Variants in PPIL3 observed in about 807,000 individuals in gnomAD.
PPIL3 encodes peptidyl-prolyl cis-trans isomerase-like 3.
A neutral mutation model predicts 20.9 loss-of-function variants in PPIL3; 13 were observed. The ratio of observed to expected loss-of-function variants is 0.62; its 90% CI spans 0.40 to 0.99. PPIL3 has a LOEUF of 0.99. Ranked by LOEUF, PPIL3 falls within the 50% of genes least tolerant of loss-of-function variation. The pLI is 0.00. For synonymous variants in PPIL3, 71 were observed against 64.4 expected, an observed-to-expected ratio of 1.10 and a Z score of -0.49; for missense variants, 170 against 195.2, an observed-to-expected ratio of 0.87 and a Z score of 0.77.
chr2:200,883,302 C>T (rs1306256352), intron 3 of PPIL3, among the ~76,000 whole-genome samples: 1 of 151,720 alleles, frequency 6.6e-6, no homozygotes, highest in East Asian at 1.9e-4. Flanking sequence ...AATCTGAATA[C>T]CTGGAATATT....
intron 2 of PPIL3, among the ~76,000 whole-genome samples, chr2:200,887,379 C>CAAA (rs770510276): frequency 5.3e-4 from 27 of 50,736 alleles, no homozygotes; most frequent in Middle Eastern, 9.6e-3. Flanking sequence ...GAGTGAAACT[C>CAAA]AAAAAAAAAA....
intron 5 of PPIL3, chr2:200,877,672 G>C (rs2039572165): frequency 6.6e-6 from 1 of 152,142 alleles, no homozygotes; most frequent in Admixed American, 6.6e-5. Flanking sequence ...CAAGGGTCAA[G>C]CAGATAAACT....
At chr2:200,879,130 T>C (rs1559338702) in intron 5 of PPIL3, among the ~76,000 whole-genome samples, 1 of 152,144 alleles carries the variant, frequency 6.6e-6, no homozygotes, top group Non-Finnish European at 1.5e-5. Flanking sequence ...TGGTTCTTTT[T>C]TTTTTTTAGA....
intron 5 of PPIL3, among the ~76,000 whole-genome samples, chr2:200,879,589 C>G (rs1396523733): frequency 1.3e-5 from 2 of 152,136 alleles, no homozygotes; most frequent in Non-Finnish European, 2.9e-5. Context: ...AATCCCAACA[C>G]TTTGGGAGGC....
chr2:200,881,849 G>A, intron 4 of PPIL3: 1 of 235,308 alleles, frequency 4.2e-6, no homozygotes, highest in African/African-American at 2.4e-5. Context: ...AGGGGTAGGT[G>A]CTAATAATTT....
chr2:200,888,116 G>A (rs115170097), intron 1 of PPIL3, among the ~76,000 whole-genome samples: 1 of 148,582 alleles, frequency 6.7e-6, no homozygotes, highest in Non-Finnish European at 1.5e-5. Flanking sequence ...CCCGGCTATA[G>A]AAGATATCCT....
At chr2:200,882,312 C>T (rs2039763295) in intron 4 of PPIL3, 30 bp downstream of exon 4, 1 of 1,360,406 alleles carries the variant, frequency 7.4e-7, no homozygotes, top group African/African-American at 1.4e-5. Flanking sequence ...ACATTCAGTT[C>T]CTTAGATCTT....
In PPIL3 at chr2:200,881,452, T is replaced by C. The variant is rs1163717502; in HGVS notation, c.209A>G (p.Lys70Arg). The change falls in exon 5 of 7, where the codon AAG becomes AGG. Residue 70 changes from lysine to arginine, a missense_variant. Lys to Arg is a conservative substitution (Grantham distance 26). Coordinates refer to ENST00000392283, the MANE Select transcript of PPIL3 (RefSeq NM_130906.3). Reference sequence around the variant, plus strand: ...ATATTCACTGTATTCATCCTCAAACTTCTTGCCCCAAATACTGTTGCCTCC... The same window carrying C: ...ATATTCACTGTATTCATCCTCAAACCTCTTGCCCCAAATACTGTTGCCTCC... ...GRGGNSIWGK[K>R]FEDEYSEYLK... 5.0e-6 allele frequency: 8 copies of C among 1,613,604 alleles called. No individual in the cohort carries two copies. In the East Asian group the frequency reaches 6.7e-5, roughly 13 times the overall value.
intron 6 of PPIL3, among the ~76,000 whole-genome samples, chr2:200,875,036 A>G (rs1282793795): frequency 1.3e-5 from 2 of 152,202 alleles, no homozygotes; most frequent in Admixed American, 1.3e-4. Context: ...AAGCATGATA[A>G]TTATTTGTTG....
At chr2:200,884,544 G>C (rs1432043964) in intron 3 of PPIL3, among the ~76,000 whole-genome samples, 4 of 151,936 alleles carry the variant, frequency 2.6e-5, no homozygotes, top group Admixed American at 6.6e-5. Context: ...TCGAGACCAA[G>C]TTGGGCAACA....
At chr2:200,876,135 T>TTG (rs1324113446) in intron 6 of PPIL3, among the ~76,000 whole-genome samples, 3 of 145,080 alleles carry the variant, frequency 2.1e-5, no homozygotes, top group African/African-American at 8.2e-5. Context: ...AAAAAAAGTG[T>TTG]TTTTTTTGTT....
At chr2:200,877,310 T>A (rs1298291673) in intron 5 of PPIL3, among the ~76,000 whole-genome samples, 1 of 152,214 alleles carries the variant, frequency 6.6e-6, no homozygotes, top group African/African-American at 2.4e-5. Flanking sequence ...AGAAAACATT[T>A]AACCAACTTC....
At chr2:200,875,450 T>C (rs932759162) in intron 6 of PPIL3, among the ~76,000 whole-genome samples, 4 of 152,116 alleles carry the variant, frequency 2.6e-5, no homozygotes, top group Admixed American at 6.6e-5. Flanking sequence ...GTATTTTTAG[T>C]AGAGATGGGG....
At chr2:200,873,433 G>A (rs190723455) in intron 6 of PPIL3, among the ~76,000 whole-genome samples, 1 of 151,876 alleles carries the variant, frequency 6.6e-6, no homozygotes, top group Admixed American at 6.6e-5. Flanking sequence ...CAAGTGATCT[G>A]CCCACGTCAG....
chr2:200,889,146 C>G (rs1007279264), upstream of PPIL3: 1 of 425,966 alleles, frequency 2.3e-6, no homozygotes, highest in African/African-American at 2.1e-5. Context: ...TATCTCAAAC[C>G]AAAACGACAA....
chr2:200,887,429 C>T (rs2039980390), intron 2 of PPIL3, among the ~76,000 whole-genome samples, 184 bp downstream of exon 2: 1 of 138,358 alleles, frequency 7.2e-6, no homozygotes, highest in African/African-American at 2.7e-5. Flanking sequence ...TAAGTGACAA[C>T]ATTAAAGAAT....
rs751504561 is a variant in PPIL3, at chr2:200,887,644, T to C, written c.-29A>G. On this transcript the variant is annotated 5_prime_UTR_variant, in exon 2 of 7. Transcript: ENST00000392283. The stretch of plus-strand genomic sequence containing the variant: ...TCCTCTTAGTGGTTTCAGGAAGGAC[T>C]ACGTGATTTCTCAGTCTTACAGCGA... The C allele has an allele frequency of 1.9e-6, 3 of 1,594,396 alleles. No individual in the cohort carries two copies. The highest frequency in any genetic ancestry group is 1.7e-6 in the Non-Finnish European group (2 of 1,168,904).
At chr2:200,887,976 G>T (rs935887116) in intron 1 of PPIL3, among the ~76,000 whole-genome samples, 7 of 148,526 alleles carry the variant, frequency 4.7e-5, no homozygotes, top group African/African-American at 1.8e-4. Flanking sequence ...AGAATCACTT[G>T]AACCCAGGAG....
At chr2:200,880,060 A>C (rs1478336706) in intron 5 of PPIL3, among the ~76,000 whole-genome samples, 1 of 152,196 alleles carries the variant, frequency 6.6e-6, no homozygotes, top group East Asian at 1.9e-4. Context: ...CAGCTTGGGC[A>C]ACATAGTGAG....
Sources: allele counts gnomAD v4.1 joint callset (sites outside exome capture counted in the v4.1 genomes callset), GRCh38; gene constraint gnomAD v4.1.1; transcripts MANE v1.5; gene names NCBI Gene and HGNC (gene_info 2026-07-23, HGNC 2026-07-21).